Variants in VPS53 observed in about 807,000 individuals in gnomAD.
VPS53 encodes VPS53 subunit of GARP complex, also known as vacuolar protein sorting-associated protein 53 homolog.
In VPS53, 70 loss-of-function variants were observed where a neutral mutation model predicts 107.0. The observed-to-expected ratio is 0.65, with a 90% CI of 0.54 to 0.80. The LOEUF (loss-of-function observed/expected upper bound fraction) is 0.80. Ranked by LOEUF, VPS53 falls within the 30% of genes least tolerant of loss-of-function variation. The pLI, the probability that VPS53 is intolerant of heterozygous loss-of-function variation, is 0.00. For missense variants in VPS53, 917 were observed against 1,049.4 expected, an observed-to-expected ratio of 0.87 and a Z score of 1.74; for synonymous variants, 409 against 393.3, an observed-to-expected ratio of 1.04 and a Z score of -0.47.
intron 17 of VPS53, chr17:537,963 C>T (rs148725669): frequency 5.3e-5 from 8 of 152,250 alleles, no homozygotes; most frequent in East Asian, 1.9e-4. Flanking sequence ...AAGATGGAGA[C>T]GTGGGGAACA....
intron 7 of VPS53, among the ~76,000 whole-genome samples, chr17:647,194 A>G (rs1227053024): frequency 6.6e-6 from 1 of 152,104 alleles, no homozygotes; most frequent in East Asian, 1.9e-4. Context: ...TTAAAACAGA[A>G]TTTGTCTATG....
chr17:707,844 C>CAA (rs10708313), intron 2 of VPS53, among the ~76,000 whole-genome samples: 14,293 of 126,822 alleles, frequency 0.11, 830 homozygotes, highest in East Asian at 0.23. Context: ...AACTCTCTTT[C>CAA]AAAAAAAAAA....
In VPS53 at chr17:521,652, G is replaced by T; in HGVS notation, c.2172C>A (p.Ser724Arg). Residue 724 changes from serine to arginine, a missense_variant, in exon 20 of 22, where the codon AGC becomes AGA. By Grantham distance (110) the Ser-to-Arg change is moderately radical. Transcript: ENST00000437048. ...TGCCTTTGACAACGATCTTGGTGTAGCTGGCGGGTGCCTTCCTCACCACCT... is the reference window on the plus strand; with the variant it reads ...TGCCTTTGACAACGATCTTGGTGTATCTGGCGGGTGCCTTCCTCACCACCT... ...SSQVVRKAPA[S>R]YTKIVVKGMT... The T allele has an allele frequency of 6.4e-7, 1 of 1,551,436 alleles. No homozygotes were observed.
intron 19 of VPS53, among the ~76,000 whole-genome samples, chr17:529,227 C>T (rs1480516030): frequency 6.6e-6 from 1 of 152,172 alleles, no homozygotes; most frequent in Non-Finnish European, 1.5e-5. Flanking sequence ...TTCTGTTGGC[C>T]TCTTTGTCCC....
Position 512,121 on chromosome 17 carries a change from T to C in VPS53, c.*7007A>G, listed in dbSNP as rs1907981206. 2 of 152,332 alleles carry C rather than the reference T, an allele frequency of 1.3e-5. No homozygotes were observed. Among genetic ancestry groups the C allele is most frequent in the African/African-American group, 2.4e-5 (1 of 41,568 alleles). 9.4% of individuals were successfully genotyped at this position (152,332 alleles called of 1,614,324 possible). ...GACCTAAAAAGGCAAAGACCAGATA[T>C]GCGGAGCTCGCTGCGGATGTAGCCT... On this transcript the variant is annotated 3_prime_UTR_variant, in exon 22 of 22. Coordinates refer to ENST00000437048, the MANE Select transcript of VPS53 (RefSeq NM_001128159.3).
chr17:552,033 T>C (rs1911866291), intron 16 of VPS53, 83 bp from the exon 17 acceptor site: 9 of 1,298,148 alleles, frequency 6.9e-6, no homozygotes, highest in Non-Finnish European at 9.5e-6. Flanking sequence ...TGTGTAAAAA[T>C]CAGATTCATC....
intron 16 of VPS53, chr17:552,650 G>A (rs763733951): frequency 1.0e-4 from 16 of 157,384 alleles, no homozygotes; most frequent in Non-Finnish European, 2.1e-4. Flanking sequence ...GGGTTTAGGT[G>A]GGGGCAGATC....
chr17:516,804 TTAC>T lies in VPS53; in HGVS notation c.*2321_*2323del, dbSNP rs1449641016. ...CTGACATCCATTGGTTCCTTGGGGA[TTAC>T]TGACAATGTAACAAATCAAGACAGC... is the stretch of plus-strand genomic sequence containing the variant. On this transcript the variant is annotated 3_prime_UTR_variant, in exon 22 of 22. Coordinates refer to ENST00000437048, the MANE Select transcript of VPS53 (RefSeq NM_001128159.3). 1 of 152,254 alleles carries T rather than the reference TTAC, an allele frequency of 6.6e-6. No individual in the cohort carries two copies. Among genetic ancestry groups the T allele is most frequent in the East Asian group, 1.9e-4 (1 of 5,204 alleles). The allele number at this position is 152,254 out of a possible 1,614,324, so 9.4% of individuals were successfully genotyped here.
intron 4 of VPS53, chr17:675,614 A>C (rs2143741765): frequency 6.6e-6 from 1 of 152,146 alleles, no homozygotes; most frequent in East Asian, 1.9e-4. Flanking sequence ...TCTCTACCGA[A>C]AATACAAAAA....
intron 7 of VPS53, among the ~76,000 whole-genome samples, chr17:638,901 T>C (rs1332013665): frequency 6.6e-6 from 1 of 152,224 alleles, no homozygotes; most frequent in African/African-American, 2.4e-5. Context: ...TGTCTTGGAA[T>C]TGCTCTTCTC....
At chr17:597,603 C>T (rs957790952) in intron 12 of VPS53, among the ~76,000 whole-genome samples, 12 of 152,138 alleles carry the variant, frequency 7.9e-5, no homozygotes, top group Non-Finnish European at 1.5e-4. Context: ...AGTGCAATGG[C>T]GTGATCTCGG....
At chr17:680,946 A>G (rs1044460953) in intron 4 of VPS53, among the ~76,000 whole-genome samples, 6 of 152,244 alleles carry the variant, frequency 3.9e-5, no homozygotes, top group Admixed American at 3.9e-4. Context: ...GGGTTTATGT[A>G]GGTTATATCT....
intron 7 of VPS53, among the ~76,000 whole-genome samples, chr17:641,827 C>A (rs1204517589): frequency 6.6e-6 from 1 of 152,202 alleles, no homozygotes. Flanking sequence ...TTCCTCCTGG[C>A]ATCCACGTAA....
At chr17:652,789 T>G (rs1433340810) in intron 7 of VPS53, among the ~76,000 whole-genome samples, 2 of 152,210 alleles carry the variant, frequency 1.3e-5, no homozygotes, top group African/African-American at 4.8e-5. Flanking sequence ...CCTAGAACAG[T>G]TTCTCTCACA....
chr17:622,009 T>C (rs1053819754), intron 11 of VPS53, among the ~76,000 whole-genome samples: 53 of 151,988 alleles, frequency 3.5e-4, no homozygotes, highest in African/African-American at 1.1e-3. Flanking sequence ...GTCAGGAGTT[T>C]GAGACCAGCC....
At chr17:562,267 T>C (rs1044675245) in intron 14 of VPS53, among the ~76,000 whole-genome samples, 31 of 152,246 alleles carry the variant, frequency 2.0e-4, no homozygotes, top group African/African-American at 7.2e-4. Context: ...GGTTCTCGAG[T>C]CCACCGTGGT....
intron 13 of VPS53, among the ~76,000 whole-genome samples, chr17:579,142 TC>T (rs1966867850): frequency 6.7e-6 from 1 of 149,566 alleles, no homozygotes; most frequent in South Asian, 2.1e-4. Flanking sequence ...CCTAATGCGT[TC>T]CCAGAGAACC....
chr17:656,673 T>C (rs1346715983), intron 5 of VPS53: 5 of 570,666 alleles, frequency 8.8e-6, no homozygotes, highest in African/African-American at 7.6e-5. Context: ...TCATCCACTG[T>C]GTTTCTTGGT....
At chr17:601,962 T>A in intron 11 of VPS53, 66 bp from the exon 12 acceptor site, 2 of 1,225,896 alleles carry the variant, frequency 1.6e-6, no homozygotes, top group Non-Finnish European at 2.2e-6. Context: ...CCCATTGATC[T>A]GCTTTTTCTA....
Sources: gnomAD v4.1 joint callset for allele counts (sites outside exome capture counted in the v4.1 genomes callset) on GRCh38, gnomAD v4.1.1 for gene constraint, MANE v1.5 for transcripts, NCBI Gene and HGNC (gene_info 2026-07-23, HGNC 2026-07-21) for gene names.